AGBL1: variants seen among roughly 807,000 people sequenced by gnomAD.
AGBL1 encodes the protein AGBL carboxypeptidase 1.
AGBL1 carries 130 observed loss-of-function variants against 118.9 expected under a neutral mutation model. The ratio of observed to expected loss-of-function variants is 1.09; its 90% CI spans 0.95 to 1.26. The LOEUF (loss-of-function observed/expected upper bound fraction) is 1.26. AGBL1 is among the 50% of genes most tolerant of loss of function. AGBL1 has a pLI of 0.00. For missense variants in AGBL1, 1,584 were observed against 1,298.1 expected, an observed-to-expected ratio of 1.22 and a Z score of -3.38; for synonymous variants, 555 against 478.9, an observed-to-expected ratio of 1.16 and a Z score of -2.08.
At position 86,931,619 on chromosome 15, in the gene AGBL1, T is replaced by G. The variant is rs1031365951; in HGVS notation, c.3222-56368T>G. 1.6e-4 allele frequency among the ~76,000 whole-genome samples: 20 copies of G among 124,308 alleles called. 1 individual carries two copies. In the South Asian group the frequency reaches 5.4e-3, roughly 33 times the overall value. 81.6% of individuals were successfully genotyped at this position (124,308 alleles called of 152,430 possible). A position where few individuals can be genotyped will look rare whatever the true frequency, so the allele number is the denominator to read the frequency against. ...TGCTGCTGCTGCTGCTGCTGCTGGTTGTTGTATTGATCAATTCCATGCTAA... is the reference window on the plus strand; with the variant it reads ...TGCTGCTGCTGCTGCTGCTGCTGGTGGTTGTATTGATCAATTCCATGCTAA... On this transcript the variant is annotated intron_variant, in intron 23 of 24. Transcript: ENST00000441037.
chr15:86,596,301 C>T (rs2084404426), intron 21 of AGBL1, among the ~76,000 whole-genome samples: 1 of 152,106 alleles, frequency 6.6e-6, no homozygotes, highest in Non-Finnish European at 1.5e-5. Context: ...TCCTCTTTTG[C>T]TAGGATCCAA....
At chr15:86,954,559 A>C (rs890689147) in intron 23 of AGBL1, among the ~76,000 whole-genome samples, 6 of 152,296 alleles carry the variant, frequency 3.9e-5, no homozygotes, top group African/African-American at 1.4e-4. Context: ...ACAAAAGACC[A>C]AATACCACCT....
At chr15:86,233,084 C>T (rs2078482413) in intron 6 of AGBL1, among the ~76,000 whole-genome samples, 1 of 152,112 alleles carries the variant, frequency 6.6e-6, no homozygotes. Flanking sequence ...TAGTGACTTG[C>T]CCAAGATCCC....
At chr15:86,455,074 C>G (rs968386302) in intron 18 of AGBL1, among the ~76,000 whole-genome samples, 1 of 152,112 alleles carries the variant, frequency 6.6e-6, no homozygotes, top group Non-Finnish European at 1.5e-5. Context: ...TTACAAAGAG[C>G]AAGCTCTGAT....
At chr15:86,573,703 A>G (rs556806926) in intron 21 of AGBL1, among the ~76,000 whole-genome samples, 2 of 152,258 alleles carry the variant, frequency 1.3e-5, no homozygotes, top group South Asian at 4.1e-4. Flanking sequence ...TTATTCCAAC[A>G]TGCCCTCTTT....
chr15:86,144,368 A>T (rs1275863899), intron 3 of AGBL1, among the ~76,000 whole-genome samples: 2 of 152,194 alleles, frequency 1.3e-5, no homozygotes, highest in Admixed American at 6.5e-5. Flanking sequence ...ACCTGCATGC[A>T]TTTGTTCATT....
chr15:86,173,076 T>A (rs2077437169), intron 5 of AGBL1: 1 of 152,152 alleles, frequency 6.6e-6, no homozygotes, highest in African/African-American at 2.4e-5. Flanking sequence ...TCATTGCGGT[T>A]TTGATTTGTG....
At chr15:86,465,932 A>G (rs1254164357) in intron 18 of AGBL1, among the ~76,000 whole-genome samples, 1 of 151,046 alleles carries the variant, frequency 6.6e-6, no homozygotes, top group Non-Finnish European at 1.5e-5. Context: ...CTATTTGTAC[A>G]CCCCTCCCCT....
At chr15:86,897,605 T>G (rs1169024046) in intron 22 of AGBL1, among the ~76,000 whole-genome samples, 1 of 151,970 alleles carries the variant, frequency 6.6e-6, no homozygotes, top group Non-Finnish European at 1.5e-5. Flanking sequence ...TTCAGTATGT[T>G]TTATGTAAAC....
rs2077698536 is a variant in AGBL1, at chr15:86,190,286, A to G, written c.488+31260A>G. ...AAGAATAGAAAAAATTGATACAATT[A>G]TCATTACATTTTTCTCACATATATT... On this transcript the variant is annotated intron_variant, in intron 5 of 22. Transcript: ENST00000614907. Among the ~76,000 whole-genome samples, 3 of 152,262 alleles carry G rather than the reference A, an allele frequency of 2.0e-5. No individual in the cohort carries two copies. In the South Asian group the frequency reaches 6.2e-4, roughly 32 times the overall value.
intron 5 of AGBL1, among the ~76,000 whole-genome samples, chr15:86,173,903 T>C (rs1178345002): frequency 6.6e-6 from 1 of 152,170 alleles, no homozygotes; most frequent in Non-Finnish European, 1.5e-5. Flanking sequence ...TTCATTTTGC[T>C]TAGGATTGCT....
At chr15:86,564,538 A>C (rs1188639609) in intron 21 of AGBL1, among the ~76,000 whole-genome samples, 1 of 152,142 alleles carries the variant, frequency 6.6e-6, no homozygotes, top group Non-Finnish European at 1.5e-5. Flanking sequence ...GGGTAACCCG[A>C]CCTTTCTCTC....
chr15:86,690,982 T>C (rs996226802), intron 22 of AGBL1, among the ~76,000 whole-genome samples: 3 of 152,188 alleles, frequency 2.0e-5, no homozygotes, highest in Non-Finnish European at 4.4e-5. Context: ...TATTTTTCTT[T>C]TATGTGGACA....
chr15:86,649,703 GT>G (rs147029398), intron 21 of AGBL1, among the ~76,000 whole-genome samples: 1 of 140,268 alleles, frequency 7.1e-6, no homozygotes, highest in Non-Finnish European at 1.6e-5. Flanking sequence ...ATTAATTTGG[GT>G]TTTTTTTCTT....
chr15:86,813,791 T>C (rs1246642119), intron 22 of AGBL1, among the ~76,000 whole-genome samples: 1 of 152,216 alleles, frequency 6.6e-6, no homozygotes, highest in Non-Finnish European at 1.5e-5. Context: ...CATTCAAGAA[T>C]GAGCTCCAGT....
At chr15:86,252,086 C>T (rs530586130) in intron 7 of AGBL1, among the ~76,000 whole-genome samples, 76 of 152,286 alleles carry the variant, frequency 5.0e-4, no homozygotes, top group Non-Finnish European at 8.2e-4. Context: ...TCAGTTGTTC[C>T]GAGGTGAGAT....
At chr15:86,691,093 C>T (rs541984618) in intron 22 of AGBL1, among the ~76,000 whole-genome samples, 1 of 151,540 alleles carries the variant, frequency 6.6e-6, no homozygotes, top group East Asian at 2.0e-4. Context: ...GAAGTGGAGA[C>T]AAAGGAAGAA....
chr15:86,631,956 G>C (rs190056533), intron 21 of AGBL1, among the ~76,000 whole-genome samples: 2 of 151,958 alleles, frequency 1.3e-5, no homozygotes, highest in Non-Finnish European at 2.9e-5. Context: ...TGAGAGGCCC[G>C]AGGCAGAAGG....
chr15:86,868,428 C>A (rs1442254858), intron 22 of AGBL1, among the ~76,000 whole-genome samples: 1 of 152,202 alleles, frequency 6.6e-6, no homozygotes, highest in African/African-American at 2.4e-5. Context: ...TGACTTTTAG[C>A]ACCAAGCTAA....
Sources: gnomAD v4.1 joint callset for allele counts (sites outside exome capture counted in the v4.1 genomes callset) on GRCh38, gnomAD v4.1.1 for gene constraint, MANE v1.5 for transcripts, NCBI Gene and HGNC (gene_info 2026-07-23, HGNC 2026-07-21) for gene names.